CCDC97: variants seen among roughly 807,000 people sequenced by gnomAD.
CCDC97 encodes coiled-coil domain-containing protein 97.
Under a neutral mutation model 33.9 loss-of-function variants are expected in CCDC97, and 27 were observed. That is an observed-to-expected ratio of 0.80 (90% CI 0.59 to 1.10). The LOEUF is 1.10. CCDC97 is among the 50% of genes least tolerant of loss of function. CCDC97 has a pLI of 0.00. For synonymous variants in CCDC97, 217 were observed against 194.0 expected (o/e 1.12, Z -0.99); for missense variants, 422 against 476.6 (o/e 0.89, Z 1.07).
intron 2 of CCDC97, among the ~76,000 whole-genome samples, chr19:41,317,442 G>A (rs776481674): frequency 6.6e-6 from 1 of 152,172 alleles, no homozygotes; most frequent in Non-Finnish European, 1.5e-5. Context: ...AGAGAGAGAG[G>A]CTGGGCATGA....
rs2037745600 is a variant in CCDC97, at chr19:41,316,371, CTCCTT to C, written c.47-8_47-4del. On this transcript the variant is annotated splice_region_variant and splice_polypyrimidine_tract_variant and intron_variant, in intron 1 of 4. Transcript: ENST00000269967. ...CTCCCATCTCTGAACTAACCAATCT[CTCCTT>C]TCCTCAGGCTGCATAGAGCCTGGAC... 1 of 1,601,282 alleles carries C rather than the reference CTCCTT, an allele frequency of 6.2e-7. No homozygotes were observed.
At position 41,322,754 on chromosome 19, in the gene CCDC97, C is replaced by G. The variant is rs1187303837; in HGVS notation, c.*39C>G. ...TCCCACCGCCTGCCCCATCCCCATCCCCAACAAGGCAGCTGATTCCAGGCC... is the reference window on the plus strand; with the variant it reads ...TCCCACCGCCTGCCCCATCCCCATCGCCAACAAGGCAGCTGATTCCAGGCC... On this transcript the variant is annotated 3_prime_UTR_variant, in exon 5 of 5. Transcript: ENST00000269967. The G allele has an allele frequency of 1.2e-6, 2 of 1,602,708 alleles. No individual in the cohort carries two copies. The highest frequency in any genetic ancestry group is 1.7e-6 in the Non-Finnish European group (2 of 1,173,802).
Position 41,319,560 on chromosome 19 carries a change from TCTC to T in CCDC97, c.503-10_503-8del, listed in dbSNP as rs1221948247. ...TCGCTCACCCCATGCCCACCCTGTC[TCTC>T]CTCTGTGCAGGGGGCGAGTACTTCA... On this transcript the variant is annotated splice_polypyrimidine_tract_variant and intron_variant, in intron 2 of 4. Coordinates refer to ENST00000269967, the MANE Select transcript of CCDC97 (RefSeq NM_052848.3). 8 of 1,569,688 alleles carry T rather than the reference TCTC, an allele frequency of 5.1e-6. No individual in the cohort carries two copies. The highest frequency in any genetic ancestry group is 6.1e-6 in the Non-Finnish European group (7 of 1,151,066).
At chr19:41,310,957 C>T (rs1166200453) in intron 1 of CCDC97, 1 of 730,696 alleles carries the variant, frequency 1.4e-6, no homozygotes, top group Non-Finnish European at 1.7e-6. Context: ...GTGGCTCCAA[C>T]ACCACTGGCC....
intron 2 of CCDC97, among the ~76,000 whole-genome samples, chr19:41,317,736 G>A (rs1289482285): frequency 1.3e-5 from 2 of 150,288 alleles, no homozygotes; most frequent in African/African-American, 2.5e-5. Flanking sequence ...AAACACAGAT[G>A]TGGAAATGAG....
At position 41,316,670 on chromosome 19, in the gene CCDC97, C is replaced by G. The variant is rs1350453592; in HGVS notation, c.333C>G (p.Phe111Leu). The G allele has an allele frequency of 1.2e-6, 2 of 1,614,160 alleles. No homozygotes were observed. The highest frequency in any genetic ancestry group is 1.7e-6 in the Non-Finnish European group (2 of 1,180,028). ...HEKPLVFLERFRTGLREEHLA... is the reference protein window; with the variant it reads ...HEKPLVFLERLRTGLREEHLA... ...AGCCACTGGTGTTCCTGGAGCGCTTCCGCACAGGCCTCCGTGAGGAGCATC... is the reference window on the plus strand; with the variant it reads ...AGCCACTGGTGTTCCTGGAGCGCTTGCGCACAGGCCTCCGTGAGGAGCATC... Residue 111 changes from phenylalanine (F) to leucine (L), a missense_variant, in exon 2 of 5, where the codon TTC (phenylalanine) becomes TTG (leucine). Coordinates refer to ENST00000269967, the MANE Select transcript of CCDC97 (RefSeq NM_052848.3).
At chr19:41,314,874 C>T (rs963908564) in intron 1 of CCDC97, among the ~76,000 whole-genome samples, 8 of 151,836 alleles carry the variant, frequency 5.3e-5, no homozygotes, top group South Asian at 2.1e-4. Context: ...CAGTGGTGCA[C>T]GCCTGTAATT....
At position 41,320,383 on chromosome 19, in the gene CCDC97, C is replaced by T. The variant is rs1259908553; in HGVS notation, c.824C>T (p.Ser275Leu). Residue 275 changes from serine (S) to leucine (L), a missense_variant, in exon 4 of 5, where the codon TCG becomes TTG. By Grantham distance (145) the Ser-to-Leu change is moderately radical (BLOSUM62 -2). Transcript: ENST00000269967. ...GACTCGGAGGCCTGGGTTCCCGACT[C>T]GGAGGAGAGGCTGATCCTGCGAGAG... ...GKDSEAWVPD[S>L]EERLILREEF... 3.0e-5 allele frequency: 48 copies of T among 1,614,030 alleles called. No individual in the cohort carries two copies. Among genetic ancestry groups the T allele is most frequent in the Non-Finnish European group, 3.9e-5 (46 of 1,180,040 alleles).
chr19:41,310,593 T>C (rs1215228137), intron 1 of CCDC97: 1 of 985,128 alleles, frequency 1.0e-6, no homozygotes, highest in Non-Finnish European at 1.2e-6. Context: ...ACCAATCCTT[T>C]CCATGTCCCT....
In CCDC97 at chr19:41,318,887, A is replaced by T. The variant is rs139430965; in HGVS notation, c.503-687A>T. Among the ~76,000 whole-genome samples, 236 of 152,068 alleles carry T rather than the reference A, an allele frequency of 1.6e-3. 2 individuals are homozygous for T. Among genetic ancestry groups the T allele is most frequent in the African/African-American group, 5.3e-3 (221 of 41,452 alleles). On this transcript the variant is annotated intron_variant, in intron 2 of 4. Transcript: ENST00000269967. ...GCACACACATGCCAAATCCACGTGGATGTACACACATACACGCCCCACAGT... is the reference window on the plus strand; with the variant it reads ...GCACACACATGCCAAATCCACGTGGTTGTACACACATACACGCCCCACAGT...
At chr19:41,318,617 G>T (rs759274734) in intron 2 of CCDC97, among the ~76,000 whole-genome samples, 5 of 152,174 alleles carry the variant, frequency 3.3e-5, no homozygotes, top group Admixed American at 6.5e-5. Flanking sequence ...GACACGGCTA[G>T]GACCAGTGGA....
chr19:41,319,890 A>C (rs1370471181), intron 3 of CCDC97, 38 bp downstream of exon 3: 1 of 992,480 alleles, frequency 1.0e-6, no homozygotes, highest in Non-Finnish European at 1.5e-6. Context: ...GATTCCAGAC[A>C]CCCCAGCCCT....
intron 2 of CCDC97, among the ~76,000 whole-genome samples, chr19:41,317,722 A>C (rs1392420089): frequency 1.3e-5 from 2 of 151,492 alleles, no homozygotes; most frequent in African/African-American, 2.4e-5. Flanking sequence ...AAAAAAAAAA[A>C]AAAAAACACA....
intron 1 of CCDC97, among the ~76,000 whole-genome samples, chr19:41,314,437 C>T (rs563961043): frequency 6.6e-6 from 1 of 152,332 alleles, no homozygotes; most frequent in African/African-American, 2.4e-5. Flanking sequence ...CCACCGCGCC[C>T]GGCCTAAGAT....
intron 1 of CCDC97, among the ~76,000 whole-genome samples, chr19:41,315,011 C>T (rs1043240664): frequency 8.1e-5 from 12 of 148,632 alleles, no homozygotes; most frequent in African/African-American, 2.7e-4. Context: ...TAAAGATTGG[C>T]AGGGTGCAGG....
intron 1 of CCDC97, among the ~76,000 whole-genome samples, chr19:41,313,760 G>A (rs190933272): frequency 1.3e-5 from 2 of 152,206 alleles, no homozygotes; most frequent in East Asian, 3.9e-4. Context: ...GAGTGCAATG[G>A]CTGATCTCGG....
At chr19:41,314,797 C>T (rs1424153202) in intron 1 of CCDC97, among the ~76,000 whole-genome samples, 2 of 151,940 alleles carry the variant, frequency 1.3e-5, no homozygotes, top group East Asian at 3.9e-4. Context: ...GCCAGGAGTT[C>T]AAGACCAGCC....
chr19:41,321,579 G>T (rs1292455905), intron 4 of CCDC97, among the ~76,000 whole-genome samples: 1 of 152,234 alleles, frequency 6.6e-6, no homozygotes, highest in Non-Finnish European at 1.5e-5. Flanking sequence ...TAGTGAGGAA[G>T]ATCTAGAATT....
chr19:41,320,040 G>A (rs1173422421), intron 3 of CCDC97, among the ~76,000 whole-genome samples, 188 bp downstream of exon 3: 3 of 152,032 alleles, frequency 2.0e-5, no homozygotes, highest in African/African-American at 4.8e-5. Context: ...CCACTCTGAG[G>A]CACCAAATGA....
Sources: gnomAD v4.1 joint callset for allele counts (sites outside exome capture counted in the v4.1 genomes callset) on GRCh38, gnomAD v4.1.1 for gene constraint, MANE v1.5 for transcripts, NCBI Gene and HGNC (gene_info 2026-07-23, HGNC 2026-07-21) for gene names.